The following FYN variants were observed in gnomAD, a reference collection of about 807,000 sequenced individuals.
FYN encodes the protein tyrosine-protein kinase Fyn.
Under a neutral mutation model 70.2 loss-of-function variants are expected in FYN, and 10 were observed. The ratio of observed to expected loss-of-function variants is 0.14; its 90% CI spans 0.09 to 0.24. The LOEUF is 0.24. Among genes scored for constraint, FYN ranks in the 10% least tolerant of loss-of-function variants. The pLI is 1.00. For synonymous variants in FYN, 236 were observed against 248.6 expected (o/e 0.95, Z 0.48); for missense variants, 319 against 673.1 (o/e 0.47, Z 5.82).
At chr6:111,866,880 G>A (rs1010756776) in intron 1 of FYN, among the ~76,000 whole-genome samples, 2 of 152,174 alleles carry the variant, frequency 1.3e-5, no homozygotes, top group African/African-American at 4.8e-5. Flanking sequence ...TACCCTGGCT[G>A]GGGAGCAACA....
intron 2 of FYN, among the ~76,000 whole-genome samples, chr6:111,828,042 G>C (rs979358521): frequency 1.3e-5 from 2 of 152,184 alleles, no homozygotes; most frequent in African/African-American, 4.8e-5. Context: ...TGTTGTTCTA[G>C]AGTAGCGGAG....
intron 4 of FYN, among the ~76,000 whole-genome samples, chr6:111,718,058 C>T (rs184157012): frequency 6.6e-6 from 1 of 152,320 alleles, no homozygotes; most frequent in African/African-American, 2.4e-5. Flanking sequence ...TTTAACACTC[C>T]ATGACCAGAT....
At position 111,861,823 on chromosome 6, in the gene FYN, C is replaced by T. The variant is rs531666906; in HGVS notation, c.-123+11145G>A. On this transcript the variant is annotated intron_variant, in intron 1 of 13. Coordinates refer to ENST00000354650, the MANE Select transcript of FYN (RefSeq NM_002037.5). ...TGACCATGGAAAACATTTTATAAAG[C>T]TTGTTTTCAATCATTCTTTTGAAGG... Among the ~76,000 whole-genome samples, 43 of 152,312 alleles carry T rather than the reference C, an allele frequency of 2.8e-4. No individual in the cohort carries two copies. The Middle Eastern group carries it at 0.034, about 120-fold the overall frequency.
intron 13 of FYN, among the ~76,000 whole-genome samples, chr6:111,664,452 T>C (rs1406828005): frequency 6.6e-6 from 1 of 152,106 alleles, no homozygotes; most frequent in Non-Finnish European, 1.5e-5. Context: ...AAAAACAAAC[T>C]ACTCAAATGG....
chr6:111,669,665 T>C (rs1024671605), intron 13 of FYN, among the ~76,000 whole-genome samples: 2 of 152,140 alleles, frequency 1.3e-5, no homozygotes, highest in Non-Finnish European at 2.9e-5. Context: ...TGTGTGAAGA[T>C]GATGGAATGC....
intron 12 of FYN, among the ~76,000 whole-genome samples, chr6:111,681,959 C>T (rs72940256): frequency 0.037 from 5,629 of 152,240 alleles, 190 homozygotes; most frequent in South Asian, 0.16. Context: ...TCCACTGTGT[C>T]CATGTCTCCT....
intron 3 of FYN, among the ~76,000 whole-genome samples, chr6:111,723,449 G>T (rs1242743532): frequency 6.6e-6 from 1 of 152,124 alleles, no homozygotes; most frequent in Non-Finnish European, 1.5e-5. Flanking sequence ...ACCACTTCAC[G>T]CATTTGACAT....
intron 3 of FYN, among the ~76,000 whole-genome samples, chr6:111,724,826 C>T (rs1215515707): frequency 1.3e-5 from 2 of 152,144 alleles, no homozygotes; most frequent in Non-Finnish European, 2.9e-5. Flanking sequence ...CCACATTTGG[C>T]CCGTACTTAG....
chr6:111,869,404 T>A (rs1039668575), intron 1 of FYN, among the ~76,000 whole-genome samples: 7 of 152,236 alleles, frequency 4.6e-5, no homozygotes, highest in African/African-American at 1.4e-4. Flanking sequence ...TCTGTTTTTC[T>A]TTTTGAGATA....
Position 111,688,783 on chromosome 6 carries a change from A to G in FYN, c.1273+5592T>C, listed in dbSNP as rs371059293. 1.2e-4 allele frequency among the ~76,000 whole-genome samples: 18 copies of G among 152,330 alleles called. 1 individual carries two copies. The East Asian group carries it at 3.1e-3, about 26-fold the overall frequency. On this transcript the variant is annotated intron_variant, in intron 12 of 13. Coordinates refer to ENST00000354650, the MANE Select transcript of FYN (RefSeq NM_002037.5). The stretch of plus-strand genomic sequence containing the variant: ...CAGCGCAGAGGCAGGGATAGTTCTC[A>G]ACAGAGAATGCAAATATGAGAAAAT...
At chr6:111,784,406 G>A (rs565658588) in intron 2 of FYN, among the ~76,000 whole-genome samples, 1 of 152,188 alleles carries the variant, frequency 6.6e-6, no homozygotes, top group African/African-American at 2.4e-5. Context: ...AAGGCAGTAG[G>A]TCCAGAGATC....
chr6:111,846,896 C>G (rs186604128), intron 1 of FYN, among the ~76,000 whole-genome samples: 11 of 152,238 alleles, frequency 7.2e-5, no homozygotes, highest in Non-Finnish European at 1.6e-4. Context: ...AGGATAGAGG[C>G]CTTGTGTGTA....
intron 1 of FYN, among the ~76,000 whole-genome samples, chr6:111,867,926 C>T (rs1305693862): frequency 1.3e-5 from 2 of 152,202 alleles, no homozygotes; most frequent in African/African-American, 2.4e-5. Context: ...TCAGCTCTGT[C>T]ATTTCCCTTT....
At chr6:111,810,679 G>A (rs1049255082) in intron 2 of FYN, among the ~76,000 whole-genome samples, 16 of 152,062 alleles carry the variant, frequency 1.1e-4, no homozygotes, top group African/African-American at 3.4e-4. Context: ...CAGTGCCTGG[G>A]TGCACTCACA....
chr6:111,718,925 G>C (rs1355797830), intron 4 of FYN, among the ~76,000 whole-genome samples: 1 of 152,058 alleles, frequency 6.6e-6, no homozygotes, highest in African/African-American at 2.4e-5. Context: ...TGGGTGCAGA[G>C]GGAAAAAAAA....
intron 3 of FYN, among the ~76,000 whole-genome samples, chr6:111,749,664 A>G (rs1476248201): frequency 6.6e-6 from 1 of 152,222 alleles, no homozygotes; most frequent in Non-Finnish European, 1.5e-5. Context: ...GGCAAATTAT[A>G]TACTTTTTGC....
At chr6:111,828,209 T>C (rs1267565972) in intron 2 of FYN, among the ~76,000 whole-genome samples, 2 of 152,092 alleles carry the variant, frequency 1.3e-5, no homozygotes, top group Non-Finnish European at 2.9e-5. Flanking sequence ...CAAGCAGAAA[T>C]TGCTTACTGA....
intron 2 of FYN, among the ~76,000 whole-genome samples, chr6:111,826,939 T>A (rs1267753266): frequency 1.3e-5 from 2 of 152,192 alleles, no homozygotes; most frequent in African/African-American, 4.8e-5. Context: ...AAGGGACCTT[T>A]AGAGATGAGA....
At chr6:111,717,054 G>C (rs1800681759) in intron 4 of FYN, among the ~76,000 whole-genome samples, 1 of 152,102 alleles carries the variant, frequency 6.6e-6, no homozygotes. Flanking sequence ...AAAGTGCTGG[G>C]ATTACAGGTG....
Sources: allele counts gnomAD v4.1 joint callset (sites outside exome capture counted in the v4.1 genomes callset), GRCh38; gene constraint gnomAD v4.1.1; transcripts MANE v1.5; gene names NCBI Gene and HGNC (gene_info 2026-07-23, HGNC 2026-07-21).